Variants in DSCAML1 observed in about 807,000 individuals in gnomAD.
DSCAML1 encodes DS cell adhesion molecule like 1, also known as cell adhesion molecule DSCAML1.
A neutral mutation model predicts 200.5 loss-of-function variants in DSCAML1; 38 were observed. The observed-to-expected ratio is 0.19, with a 90% CI of 0.15 to 0.25. DSCAML1 has a LOEUF of 0.25. Among genes scored for constraint, DSCAML1 ranks in the 10% least tolerant of loss-of-function variants. The pLI, the probability that DSCAML1 is intolerant of heterozygous loss-of-function variation, is 1.00. For synonymous variants in DSCAML1, 1,215 were observed against 1,165.0 expected (o/e 1.04, Z -0.87); for missense variants, 2,223 against 2,858.8 (o/e 0.78, Z 5.07).
chr11:117,647,492 C>T (rs185420446), intron 3 of DSCAML1, among the ~76,000 whole-genome samples: 85 of 152,294 alleles, frequency 5.6e-4, no homozygotes, highest in Non-Finnish European at 1.5e-5. Flanking sequence ...GCCAAGGCTC[C>T]AAGACCTAGG....
At chr11:117,594,693 C>T (rs1591304365) in intron 3 of DSCAML1, among the ~76,000 whole-genome samples, 1 of 151,908 alleles carries the variant, frequency 6.6e-6, no homozygotes, top group Non-Finnish European at 1.5e-5. Flanking sequence ...GTCTTCTCTC[C>T]GTGGCCAGGC....
chr11:117,457,790 G>A (rs1474585753), intron 19 of DSCAML1, among the ~76,000 whole-genome samples: 3 of 152,164 alleles, frequency 2.0e-5, no homozygotes, highest in Non-Finnish European at 2.9e-5. Context: ...CCCTTCCAGT[G>A]CCTTCAGCCA....
At chr11:117,720,427 G>T (rs1423291491) in intron 3 of DSCAML1, among the ~76,000 whole-genome samples, 1 of 152,098 alleles carries the variant, frequency 6.6e-6, no homozygotes, top group African/African-American at 2.4e-5. Flanking sequence ...GGAGGGGAGG[G>T]AGCCGAGGGC....
intron 19 of DSCAML1, among the ~76,000 whole-genome samples, chr11:117,456,445 G>A (rs778356045): frequency 6.6e-6 from 1 of 151,814 alleles, no homozygotes; most frequent in African/African-American, 2.4e-5. Context: ...AAGAAAGCCT[G>A]GATTTGTCAC....
chr11:117,450,095 T>G (rs2048256778), intron 20 of DSCAML1, among the ~76,000 whole-genome samples: 1 of 152,200 alleles, frequency 6.6e-6, no homozygotes, highest in South Asian at 2.1e-4. Flanking sequence ...TCCCCCGTCT[T>G]TCCTCCTCCC....
At chr11:117,754,940 G>A (rs1235143648) in intron 3 of DSCAML1, among the ~76,000 whole-genome samples, 2 of 152,188 alleles carry the variant, frequency 1.3e-5, no homozygotes, top group Non-Finnish European at 2.9e-5. Context: ...AGAACTTGGA[G>A]CAGGTAAATC....
chr11:117,633,233 C>T (rs1591344049), intron 3 of DSCAML1, among the ~76,000 whole-genome samples: 1 of 152,206 alleles, frequency 6.6e-6, no homozygotes, highest in Middle Eastern at 3.4e-3. Flanking sequence ...TCTCTGTGGC[C>T]TGTCTCTCTG....
intron 1 of DSCAML1, among the ~76,000 whole-genome samples, chr11:117,811,269 AG>A (rs1411433613): frequency 6.6e-6 from 1 of 151,954 alleles, no homozygotes; most frequent in African/African-American, 2.4e-5. Flanking sequence ...TTACAGCCCT[AG>A]ACCCTAAAAG....
chr11:117,445,901 A>G (rs567965044), intron 20 of DSCAML1, among the ~76,000 whole-genome samples: 57 of 152,226 alleles, frequency 3.7e-4, no homozygotes, highest in Non-Finnish European at 7.2e-4. Flanking sequence ...CATAGCCCCA[A>G]ATAAAGTTCC....
chr11:117,530,258 A>G (rs1450705244), intron 4 of DSCAML1, among the ~76,000 whole-genome samples: 2 of 152,116 alleles, frequency 1.3e-5, no homozygotes, highest in Non-Finnish European at 2.9e-5. Context: ...ACTCTTGCCT[A>G]GTGCCCCCAA....
In DSCAML1 at chr11:117,540,226, A is replaced by G. The variant is rs117771815; in HGVS notation, c.512-7704T>C. On this transcript the variant is annotated intron_variant, in intron 3 of 32. Coordinates refer to ENST00000651296, the MANE Select transcript of DSCAML1 (RefSeq NM_020693.4). Reference sequence around the variant, plus strand: ...GTTAGTAACTGGGCCTCAGAGCTGGAGGTGAGTGGCAGGCGAGCGAGCATT... The same window carrying G: ...GTTAGTAACTGGGCCTCAGAGCTGGGGGTGAGTGGCAGGCGAGCGAGCATT... Among the ~76,000 whole-genome samples, 100 of 152,258 alleles carry G rather than the reference A, an allele frequency of 6.6e-4. 1 individual carries two copies. In the East Asian group the frequency reaches 0.018, roughly 28 times the overall value.
intron 3 of DSCAML1, among the ~76,000 whole-genome samples, chr11:117,744,551 G>A (rs531750518): frequency 1.0e-3 from 152 of 152,330 alleles, no homozygotes; most frequent in Non-Finnish European, 3.2e-4. Context: ...GGACTTTAGC[G>A]GTCCCTAGCT....
rs183945051 is a variant in DSCAML1, at chr11:117,635,195, C to T, written c.512-102673G>A. Among the ~76,000 whole-genome samples the T allele has an allele frequency of 1.2e-4, 18 of 152,250 alleles. No individual in the cohort carries two copies. The South Asian group carries it at 2.1e-3, about 18-fold the overall frequency. On this transcript the variant is annotated intron_variant, in intron 3 of 32. Coordinates refer to ENST00000651296, the MANE Select transcript of DSCAML1 (RefSeq NM_020693.4). ...TCTCTTGCTCTTTGATGTTCTGCAG[C>T]GGCACACAATCAAATTCAGTTTGAT...
intron 3 of DSCAML1, among the ~76,000 whole-genome samples, chr11:117,594,320 T>C (rs2051320127): frequency 6.6e-6 from 1 of 152,262 alleles, no homozygotes; most frequent in Admixed American, 6.5e-5. Flanking sequence ...GGACATTTAG[T>C]ATCCTTGGGT....
chr11:117,478,636 A>T (rs368124825), intron 14 of DSCAML1, among the ~76,000 whole-genome samples: 5 of 152,188 alleles, frequency 3.3e-5, no homozygotes, highest in African/African-American at 1.2e-4. Flanking sequence ...CTCAGCCCGG[A>T]CGCCTCCCTC....
chr11:117,670,907 A>G (rs1220662013), intron 3 of DSCAML1, among the ~76,000 whole-genome samples: 2 of 152,170 alleles, frequency 1.3e-5, no homozygotes, highest in Non-Finnish European at 2.9e-5. Flanking sequence ...ACAGAAGGGA[A>G]GGCACCCAGA....
At chr11:117,577,727 C>T (rs538864385) in intron 3 of DSCAML1, among the ~76,000 whole-genome samples, 106 of 151,640 alleles carry the variant, frequency 7.0e-4, no homozygotes, top group African/African-American at 2.5e-3. Context: ...CCACCAAGCC[C>T]GGCTAATTTT....
intron 3 of DSCAML1, among the ~76,000 whole-genome samples, chr11:117,776,250 A>T (rs1053498827): frequency 6.6e-6 from 1 of 152,184 alleles, no homozygotes; most frequent in African/African-American, 2.4e-5. Context: ...ATCAGCCTCA[A>T]TGCGAGGCCA....
intron 11 of DSCAML1, among the ~76,000 whole-genome samples, chr11:117,488,082 G>A (rs893455358): frequency 1.2e-4 from 18 of 145,092 alleles, no homozygotes; most frequent in Non-Finnish European, 4.4e-5. Context: ...GGCGCTTTCA[G>A]CCCCTTGTCC....
Sources: allele counts gnomAD v4.1 joint callset (sites outside exome capture counted in the v4.1 genomes callset), GRCh38; gene constraint gnomAD v4.1.1; transcripts MANE v1.5; gene names NCBI Gene and HGNC (gene_info 2026-07-23, HGNC 2026-07-21).